The following RXFP1 variants were observed in gnomAD, a reference collection of about 807,000 sequenced individuals.
RXFP1 encodes the protein relaxin family peptide receptor 1.
In RXFP1, 73 loss-of-function variants were observed where a neutral mutation model predicts 89.8. The observed-to-expected ratio is 0.81, with a 90% CI of 0.67 to 0.99. The LOEUF (loss-of-function observed/expected upper bound fraction) is 0.99, where lower values mean the gene tolerates loss of function less well. Among genes scored for constraint, RXFP1 ranks in the 50% least tolerant of loss-of-function variants. The pLI is 0.00. For synonymous variants in RXFP1, 277 were observed against 305.5 expected (o/e 0.91, Z 0.97); for missense variants, 793 against 895.5 (o/e 0.89, Z 1.46).
intron 1 of RXFP1, among the ~76,000 whole-genome samples, chr4:158,537,757 G>A (rs1253682810): frequency 1.3e-5 from 2 of 152,248 alleles, no homozygotes; most frequent in East Asian, 3.9e-4. Context: ...TAATCTGGTG[G>A]TGATATTTAA....
At chr4:158,583,133 C>A (rs912526239) in intron 2 of RXFP1, among the ~76,000 whole-genome samples, 1 of 152,194 alleles carries the variant, frequency 6.6e-6, no homozygotes, top group Non-Finnish European at 1.5e-5. Flanking sequence ...ACTGGCTTGG[C>A]ACTTACTAAT....
rs541255883 is a variant in RXFP1, at chr4:158,568,438, A to C, written c.50-4260A>C. Among the ~76,000 whole-genome samples, 15 of 152,346 alleles carry C rather than the reference A, an allele frequency of 9.8e-5. No homozygotes were observed. The East Asian group carries it at 2.3e-3, about 23-fold the overall frequency. ...GGTATGGCCAGTTAAAACATCTTCA[A>C]AGTAGCTGTAGCTGGAGGCTAATTC... is the stretch of plus-strand genomic sequence containing the variant. On this transcript the variant is annotated intron_variant, in intron 1 of 17. Coordinates refer to ENST00000307765, the MANE Select transcript of RXFP1 (RefSeq NM_021634.4).
At chr4:158,608,385 T>A (rs1275662216) in intron 6 of RXFP1, among the ~76,000 whole-genome samples, 1 of 144,284 alleles carries the variant, frequency 6.9e-6, no homozygotes, top group Non-Finnish European at 1.5e-5. Context: ...CCTTCCAGGT[T>A]CAAGCAATTC....
chr4:158,575,438 A>G (rs1392231785), intron 2 of RXFP1, among the ~76,000 whole-genome samples: 1 of 152,218 alleles, frequency 6.6e-6, no homozygotes, highest in Non-Finnish European at 1.5e-5. Context: ...AGCAGAGTAC[A>G]GGTGCTTTGG....
intron 2 of RXFP1, among the ~76,000 whole-genome samples, chr4:158,585,553 A>G (rs528162910): frequency 6.6e-6 from 1 of 152,312 alleles, no homozygotes; most frequent in South Asian, 2.1e-4. Context: ...TATAACTAAT[A>G]CTTGGTACAA....
chr4:158,589,281 G>A (rs1179591698), intron 2 of RXFP1, among the ~76,000 whole-genome samples: 1 of 152,290 alleles, frequency 6.6e-6, no homozygotes, highest in Non-Finnish European at 1.5e-5. Flanking sequence ...AGATTTGAGT[G>A]GGAGGACACA....
intron 1 of RXFP1, among the ~76,000 whole-genome samples, chr4:158,551,361 T>C (rs186112406): frequency 7.3e-4 from 111 of 152,256 alleles, no homozygotes; most frequent in African/African-American, 2.6e-3. Flanking sequence ...TACACTTCTC[T>C]TTGTTGAAGG....
chr4:158,652,331 A>G lies in RXFP1; in HGVS notation c.*276A>G, dbSNP rs1772894086. On this transcript the variant is annotated 3_prime_UTR_variant, in exon 18 of 18. Transcript: ENST00000307765. Reference sequence around the variant, plus strand: ...TTTTTCTAACATGCATTTATTGAGTACCCACTACTATGTGCATAGCATTGC... The same window carrying G: ...TTTTTCTAACATGCATTTATTGAGTGCCCACTACTATGTGCATAGCATTGC... 1 of 328,988 alleles carries G rather than the reference A, an allele frequency of 3.0e-6. No homozygotes were observed. 20.4% of individuals were successfully genotyped at this position (328,988 alleles called of 1,614,324 possible).
chr4:158,597,118 T>G (rs1416058429), intron 3 of RXFP1, among the ~76,000 whole-genome samples: 1 of 152,104 alleles, frequency 6.6e-6, no homozygotes, highest in East Asian at 1.9e-4. Flanking sequence ...GAATGGCAAG[T>G]GTAGTGTAAA....
At chr4:158,588,468 T>C (rs901250107) in intron 2 of RXFP1, among the ~76,000 whole-genome samples, 1 of 152,192 alleles carries the variant, frequency 6.6e-6, no homozygotes, top group Non-Finnish European at 1.5e-5. Context: ...CCATCATGGC[T>C]GCGACTGACA....
At chr4:158,529,648 T>A (rs1157058281) in intron 1 of RXFP1, among the ~76,000 whole-genome samples, 1 of 152,206 alleles carries the variant, frequency 6.6e-6, no homozygotes, top group African/African-American at 2.4e-5. Context: ...ATGGACTCCC[T>A]GCAGCTTTCC....
intron 3 of RXFP1, among the ~76,000 whole-genome samples, chr4:158,597,962 A>G (rs886325491): frequency 5.3e-5 from 8 of 152,238 alleles, no homozygotes; most frequent in African/African-American, 1.4e-4. Context: ...TATATTAAAC[A>G]CTAAATCTAG....
At chr4:158,637,431 A>G (rs1769410147) in intron 12 of RXFP1, among the ~76,000 whole-genome samples, 1 of 152,184 alleles carries the variant, frequency 6.6e-6, no homozygotes, top group Non-Finnish European at 1.5e-5. Context: ...GATAAAAATT[A>G]TTCTAAAAGG....
chr4:158,535,675 T>A (rs1745117415), intron 1 of RXFP1, among the ~76,000 whole-genome samples: 2 of 152,274 alleles, frequency 1.3e-5, no homozygotes, highest in African/African-American at 4.8e-5. Context: ...AATACATTTT[T>A]AAAATATTTT....
intron 2 of RXFP1, among the ~76,000 whole-genome samples, chr4:158,588,589 A>G (rs1367451072): frequency 1.3e-5 from 2 of 152,192 alleles, no homozygotes; most frequent in African/African-American, 4.8e-5. Context: ...TCTGTTTTAG[A>G]CAGAGCAGCA....
chr4:158,645,202 A>G, intron 15 of RXFP1, 64 bp downstream of exon 15: 1 of 1,286,586 alleles, frequency 7.8e-7, no homozygotes, highest in South Asian at 1.3e-5. Context: ...TATTATTAGA[A>G]AATAAGTTGT....
chr4:158,597,995 A>G (rs1257320168), intron 3 of RXFP1, among the ~76,000 whole-genome samples: 1 of 152,134 alleles, frequency 6.6e-6, no homozygotes, highest in Non-Finnish European at 1.5e-5. Context: ...ATCTCTTGTA[A>G]CCCTGTGAAG....
chr4:158,539,572 AG>A (rs1168085537), intron 1 of RXFP1, among the ~76,000 whole-genome samples: 1 of 152,228 alleles, frequency 6.6e-6, no homozygotes, highest in Non-Finnish European at 1.5e-5. Context: ...AGTTCCTGGT[AG>A]ACATTTATAA....
intron 5 of RXFP1, 92 bp downstream of exon 5, chr4:158,605,231 C>A (rs1346976202): frequency 2.2e-5 from 14 of 637,178 alleles, no homozygotes; most frequent in Non-Finnish European, 3.6e-5. Context: ...AACACTATTC[C>A]GCTGCTTGTG....
Sources: gnomAD v4.1 joint callset for allele counts (sites outside exome capture counted in the v4.1 genomes callset) on GRCh38, gnomAD v4.1.1 for gene constraint, MANE v1.5 for transcripts, NCBI Gene and HGNC (gene_info 2026-07-23, HGNC 2026-07-21) for gene names.